HMGCLL1: variants seen among roughly 807,000 people sequenced by gnomAD.
The protein encoded by HMGCLL1 is 3-hydroxymethyl-3-methylglutaryl-CoA lyase, cytoplasmic.
Under a neutral mutation model 39.1 loss-of-function variants are expected in HMGCLL1, and 36 were observed. The observed-to-expected ratio is 0.92, with a 90% CI of 0.71 to 1.22. The LOEUF (loss-of-function observed/expected upper bound fraction) is 1.22. Among genes scored for constraint, HMGCLL1 ranks in the 50% most tolerant of loss-of-function variants. HMGCLL1 has a pLI of 0.00. For synonymous variants in HMGCLL1, 149 were observed against 144.0 expected (o/e 1.03, Z -0.25); for missense variants, 451 against 416.5 (o/e 1.08, Z -0.72).
intron 1 of HMGCLL1, among the ~76,000 whole-genome samples, chr6:55,547,617 A>G (rs1270272833): frequency 6.6e-6 from 1 of 152,002 alleles, no homozygotes; most frequent in Non-Finnish European, 1.5e-5. Context: ...AACTGCTATG[A>G]TGTTCCAATC....
intron 7 of HMGCLL1, among the ~76,000 whole-genome samples, chr6:55,493,016 C>T (rs1048054286): frequency 3.3e-5 from 5 of 150,684 alleles, no homozygotes; most frequent in South Asian, 2.1e-4. Flanking sequence ...TAGCGTAAGC[C>T]GAAGATATGT....
At chr6:55,588,417 A>G in the HMGCLL1 span, among the ~76,000 whole-genome samples, 13 of 152,264 alleles carry the variant, frequency 8.5e-5, no homozygotes, top group South Asian at 2.7e-3. Context: ...GTATAGAGGG[A>G]AACTTACAGC....
intron 3 of HMGCLL1, among the ~76,000 whole-genome samples, chr6:55,518,773 C>T (rs534776018): frequency 1.3e-5 from 2 of 152,240 alleles, no homozygotes; most frequent in Non-Finnish European, 2.9e-5. Flanking sequence ...TTGAAGTAGC[C>T]TCCAGATGAC....
chr6:55,552,155 A>G (rs769073179), intron 1 of HMGCLL1, among the ~76,000 whole-genome samples: 4 of 152,008 alleles, frequency 2.6e-5, no homozygotes, highest in Non-Finnish European at 4.4e-5. Context: ...AAGATAAATG[A>G]TTGCTGAATA....
the HMGCLL1 span, among the ~76,000 whole-genome samples, chr6:55,601,525 C>T: frequency 6.6e-6 from 1 of 152,154 alleles, no homozygotes; most frequent in Non-Finnish European, 1.5e-5. Context: ...TTAATCTAAA[C>T]TCAAGAAATA....
intron 1 of HMGCLL1, among the ~76,000 whole-genome samples, chr6:55,549,376 G>GTGTGTGTGTGTA (rs1300877857): frequency 8.6e-5 from 9 of 105,242 alleles, no homozygotes; most frequent in African/African-American, 2.2e-4. Flanking sequence ...ATACAGAAGT[G>GTGTGTGTGTGTA]TGTGTGTGTG....
intron 1 of HMGCLL1, among the ~76,000 whole-genome samples, chr6:55,561,209 T>G (rs75660619): frequency 0.02 from 3,021 of 152,302 alleles, 51 homozygotes; most frequent in South Asian, 0.095. Context: ...ATTCTCATAT[T>G]AATAACAACT....
At chr6:55,608,201 C>A in the HMGCLL1 span, among the ~76,000 whole-genome samples, 2 of 152,162 alleles carry the variant, frequency 1.3e-5, no homozygotes, top group Non-Finnish European at 2.9e-5. Flanking sequence ...TTTTTCTGAT[C>A]TTCCTTCAAA....
intron 1 of HMGCLL1, chr6:55,577,142 C>T (rs758150863): frequency 1.2e-5 from 20 of 1,604,244 alleles, no homozygotes; most frequent in South Asian, 2.2e-5. Flanking sequence ...GGGCTGAAAG[C>T]AGTGAAGGTT....
At chr6:55,516,692 G>C in intron 3 of HMGCLL1, 89 bp from the exon 4 acceptor site, 1 of 735,336 alleles carries the variant, frequency 1.4e-6, no homozygotes, top group Non-Finnish European at 2.3e-6. Context: ...TAGTTACATG[G>C]ACAGTTAGAG....
At chr6:55,439,267 A>G (rs1266328606) in intron 8 of HMGCLL1, among the ~76,000 whole-genome samples, 167 bp downstream of exon 8, 13 of 152,136 alleles carry the variant, frequency 8.5e-5, no homozygotes, top group Admixed American at 8.5e-4. Context: ...GAGTTACTTT[A>G]TAAAGACCCC....
At chr6:55,658,997 T>C in the HMGCLL1 span, among the ~76,000 whole-genome samples, 2 of 151,968 alleles carry the variant, frequency 1.3e-5, no homozygotes, top group Non-Finnish European at 2.9e-5. Flanking sequence ...AGTCTATATG[T>C]GTAGACAAAT....
the HMGCLL1 span, among the ~76,000 whole-genome samples, chr6:55,673,561 T>C: frequency 3.9e-5 from 6 of 152,018 alleles, no homozygotes; most frequent in Non-Finnish European, 8.8e-5. Flanking sequence ...CAAACACCGT[T>C]AACAGAATTA....
chr6:55,612,441 A>T, the HMGCLL1 span, among the ~76,000 whole-genome samples: 1 of 152,206 alleles, frequency 6.6e-6, no homozygotes, highest in East Asian at 1.9e-4. Flanking sequence ...GAATTAGAAA[A>T]AAAACCTACT....
chr6:55,571,621 C>T lies in HMGCLL1; in HGVS notation c.108+7327G>A, dbSNP rs529273771. 8.7e-4 allele frequency among the ~76,000 whole-genome samples: 132 copies of T among 151,520 alleles called. 1 individual carries two copies. The highest frequency in any genetic ancestry group is 3.0e-3 in the African/African-American group (122 of 41,280). ...GAGATCGAGACCATCCTGGCTAATG[C>T]GGTGAAACCCCATCTCTACTAAAAA... On this transcript the variant is annotated intron_variant, in intron 1 of 8. Transcript: ENST00000274901.
intron 7 of HMGCLL1, 40 bp downstream of exon 7, chr6:55,495,379 A>C: frequency 7.1e-7 from 1 of 1,405,714 alleles, no homozygotes; most frequent in Non-Finnish European, 9.8e-7. Flanking sequence ...AAAGATGAAC[A>C]CCCTATGCAC....
chr6:55,609,761 C>CA, the HMGCLL1 span, among the ~76,000 whole-genome samples: 3 of 152,090 alleles, frequency 2.0e-5, no homozygotes, highest in African/African-American at 7.2e-5. Flanking sequence ...ACACCTTATA[C>CA]AGGAGCATTC....
chr6:55,487,769 G>A (rs747554604), intron 7 of HMGCLL1, among the ~76,000 whole-genome samples: 21 of 151,816 alleles, frequency 1.4e-4, no homozygotes, highest in Non-Finnish European at 2.2e-4. Flanking sequence ...AACACAAAGC[G>A]TTAATCAAAT....
At chr6:55,558,050 A>T (rs978276824) in intron 1 of HMGCLL1, among the ~76,000 whole-genome samples, 4 of 152,216 alleles carry the variant, frequency 2.6e-5, no homozygotes, top group African/African-American at 7.2e-5. Context: ...TAAATGGAGA[A>T]AGGGAATTAG....
Sources: allele counts gnomAD v4.1 joint callset (sites outside exome capture counted in the v4.1 genomes callset), GRCh38; gene constraint gnomAD v4.1.1; transcripts MANE v1.5; gene names NCBI Gene and HGNC (gene_info 2026-07-23, HGNC 2026-07-21).